IFT43: variants seen among roughly 807,000 people sequenced by gnomAD.
IFT43 encodes intraflagellar transport 43, also known as intraflagellar transport protein 43 homolog.
Under a neutral mutation model 32.3 loss-of-function variants are expected in IFT43, and 33 were observed. The observed-to-expected ratio is 1.02, with a 90% confidence interval of 0.77 to 1.37. The LOEUF (loss-of-function observed/expected upper bound fraction) is 1.37, where lower values mean the gene tolerates loss of function less well. Among genes scored for constraint, IFT43 ranks in the 40% most tolerant of loss-of-function variants. The pLI is 0.00. For synonymous variants in IFT43, 93 were observed against 98.2 expected (o/e 0.95, Z 0.31); for missense variants, 274 against 265.9 (o/e 1.03, Z -0.21).
At chr14:76,008,057 A>G (rs1488115668) in intron 2 of IFT43, among the ~76,000 whole-genome samples, 2 of 152,084 alleles carry the variant, frequency 1.3e-5, no homozygotes, top group East Asian at 3.9e-4. Context: ...GGCTCTTTTT[A>G]TTATAGGTTA....
intron 3 of IFT43, among the ~76,000 whole-genome samples, chr14:76,037,279 T>G (rs1305994380): frequency 6.6e-6 from 1 of 152,208 alleles, no homozygotes; most frequent in East Asian, 1.9e-4. Context: ...GGCACAGGTA[T>G]GAGAAGGCAC....
At chr14:76,076,785 T>C (rs1172026734) in intron 5 of IFT43, 3 of 1,423,892 alleles carry the variant, frequency 2.1e-6, no homozygotes, top group East Asian at 2.3e-5. Flanking sequence ...TGTGATGATA[T>C]TATCCGTAAT....
At chr14:76,079,944 G>A (rs1049931831) in intron 5 of IFT43, among the ~76,000 whole-genome samples, 1 of 151,926 alleles carries the variant, frequency 6.6e-6, no homozygotes, top group African/African-American at 2.4e-5. Flanking sequence ...GGGGAGTGGG[G>A]AGGGGGGAAG....
chr14:76,020,598 G>GTAGTTTTTA (rs1390664625), intron 2 of IFT43, among the ~76,000 whole-genome samples: 13 of 152,022 alleles, frequency 8.6e-5, no homozygotes, highest in Admixed American at 8.5e-4. Flanking sequence ...GTGCAGTGAT[G>GTAGTTTTTA]TAGTTTTTAT....
rs1046306564 is a variant in IFT43, at chr14:76,059,583, T to C, written c.295+210T>C. On this transcript the variant is annotated intron_variant, in intron 5 of 8. Transcript: ENST00000314067. The stretch of plus-strand genomic sequence containing the variant: ...CTTCTTTATCTGATAACCCTGCTTA[T>C]CCTTCAAAAGGTCAGCCAAAGCATC... The C allele has an allele frequency of 5.2e-6, 3 of 580,046 alleles. No homozygotes were observed. The African/African-American group carries it at 5.6e-5, about 11-fold the overall frequency. The allele number at this position is 580,046 out of a possible 1,614,324, so 35.9% of individuals were successfully genotyped here.
chr14:76,019,188 T>C (rs187188366), intron 2 of IFT43, among the ~76,000 whole-genome samples: 2 of 152,322 alleles, frequency 1.3e-5, no homozygotes, highest in Admixed American at 1.3e-4. Flanking sequence ...ACTAGTGAGT[T>C]TTATACTGTC....
intron 3 of IFT43, among the ~76,000 whole-genome samples, chr14:76,049,240 A>G (rs753942879): frequency 2.6e-5 from 4 of 152,180 alleles, no homozygotes; most frequent in African/African-American, 4.8e-5. Flanking sequence ...CGATTTTCCC[A>G]AGATTCGTGT....
At chr14:76,060,514 C>T (rs749243755) in intron 5 of IFT43, among the ~76,000 whole-genome samples, 6 of 149,232 alleles carry the variant, frequency 4.0e-5, no homozygotes, top group South Asian at 4.3e-4. Flanking sequence ...CCACCGCGCC[C>T]GGCCCCAAAT....
chr14:76,072,431 C>A (rs1721820188), intron 5 of IFT43, among the ~76,000 whole-genome samples: 1 of 152,150 alleles, frequency 6.6e-6, no homozygotes. Context: ...ATGTCTGGGT[C>A]ACACCAGACT....
At chr14:76,051,061 C>A (rs1482743061) in intron 3 of IFT43, among the ~76,000 whole-genome samples, 1 of 151,558 alleles carries the variant, frequency 6.6e-6, no homozygotes, top group Non-Finnish European at 1.5e-5. Flanking sequence ...AGGACATGGG[C>A]ATGAGTTTTT....
chr14:75,986,382 G>C (rs1566691308), intron 1 of IFT43: 2 of 881,552 alleles, frequency 2.3e-6, no homozygotes, highest in Non-Finnish European at 3.0e-6. Flanking sequence ...GATTTGTAAC[G>C]TGAGGGAGTG....
intron 6 of IFT43, 38 bp downstream of exon 6, chr14:76,082,405 A>AC: frequency 2.2e-6 from 3 of 1,339,528 alleles, no homozygotes; most frequent in Non-Finnish European, 3.2e-6. Context: ...GGCAAAGAAC[A>AC]CGTGAATTAA....
intron 3 of IFT43, among the ~76,000 whole-genome samples, chr14:76,051,083 C>T (rs2036905922): frequency 6.6e-6 from 1 of 151,392 alleles, no homozygotes; most frequent in Admixed American, 6.6e-5. Flanking sequence ...ATCAGTCTAC[C>T]AGACATCTTA....
intron 2 of IFT43, among the ~76,000 whole-genome samples, chr14:75,998,167 A>G (rs543816375): frequency 6.6e-6 from 1 of 152,234 alleles, no homozygotes; most frequent in African/African-American, 2.4e-5. Context: ...ATTTAGTTTC[A>G]TCTCTCTGAC....
chr14:76,014,548 T>A (rs2036146749), intron 2 of IFT43, among the ~76,000 whole-genome samples: 1 of 151,988 alleles, frequency 6.6e-6, no homozygotes, highest in South Asian at 2.1e-4. Flanking sequence ...TACAGGAGAG[T>A]TATATACCAT....
intron 2 of IFT43, among the ~76,000 whole-genome samples, chr14:75,995,264 G>T (rs1461298617): frequency 6.6e-6 from 1 of 152,126 alleles, no homozygotes; most frequent in Non-Finnish European, 1.5e-5. Context: ...CCTGCTAGAT[G>T]GGAAGAAGCA....
chr14:76,080,374 AG>A (rs2037487454), intron 5 of IFT43, among the ~76,000 whole-genome samples: 1 of 152,000 alleles, frequency 6.6e-6, no homozygotes, highest in Admixed American at 6.6e-5. Flanking sequence ...CATTTGGAGG[AG>A]GGGGTTGGGG....
At chr14:76,046,757 G>C (rs1243439284) in intron 3 of IFT43, among the ~76,000 whole-genome samples, 4 of 152,236 alleles carry the variant, frequency 2.6e-5, no homozygotes, top group Admixed American at 2.6e-4. Context: ...AGAGTTTAAA[G>C]TGACTTGCCC....
intron 5 of IFT43, among the ~76,000 whole-genome samples, chr14:76,078,513 A>G (rs1021084249): frequency 6.6e-6 from 1 of 152,212 alleles, no homozygotes; most frequent in Non-Finnish European, 1.5e-5. Flanking sequence ...GTGTTCCATC[A>G]GTATCCTTGA....
Sources: gnomAD v4.1 joint callset for allele counts (sites outside exome capture counted in the v4.1 genomes callset) on GRCh38, gnomAD v4.1.1 for gene constraint, MANE v1.5 for transcripts, NCBI Gene and HGNC (gene_info 2026-07-23, HGNC 2026-07-21) for gene names.